Variants in FBXL2 observed in about 807,000 individuals in gnomAD.
FBXL2 encodes the protein F-box/LRR-repeat protein 2.
FBXL2 carries 38 observed loss-of-function variants against 69.2 expected under a neutral mutation model. The ratio of observed to expected loss-of-function variants is 0.55; its 90% CI spans 0.42 to 0.72. The LOEUF is 0.72. FBXL2 is among the 30% of genes least tolerant of loss of function. FBXL2 has a pLI of 0.00. For missense variants in FBXL2, 354 were observed against 520.3 expected, an observed-to-expected ratio of 0.68 and a Z score of 3.11; for synonymous variants, 192 against 201.3, an observed-to-expected ratio of 0.95 and a Z score of 0.39.
intron 2 of FBXL2, among the ~76,000 whole-genome samples, chr3:33,304,624 A>T (rs1263956037): frequency 6.6e-6 from 1 of 152,000 alleles, no homozygotes; most frequent in Non-Finnish European, 1.5e-5. Context: ...ATCCTCGTAG[A>T]TGTCTCCTGG....
chr3:33,416,203 G>A, the FBXL2 span: 1 of 152,200 alleles, frequency 6.6e-6, no homozygotes, highest in Non-Finnish European at 1.5e-5. Context: ...CATTAACCCT[G>A]CCCTGTAATG....
chr3:33,367,335 G>A (rs956582301), intron 5 of FBXL2, among the ~76,000 whole-genome samples: 13 of 152,114 alleles, frequency 8.5e-5, no homozygotes, highest in Non-Finnish European at 1.6e-4. Context: ...GCCTGCCTCG[G>A]CCTCCCAAAG....
At chr3:33,358,824 A>G (rs1219436445) in intron 2 of FBXL2, 143 bp from the exon 3 acceptor site, 1 of 491,914 alleles carries the variant, frequency 2.0e-6, no homozygotes. Flanking sequence ...ATGTAAAGTT[A>G]TAGTGCACTT....
chr3:33,313,997 C>A (rs776889892), intron 2 of FBXL2, among the ~76,000 whole-genome samples: 5 of 152,148 alleles, frequency 3.3e-5, no homozygotes, highest in Admixed American at 1.3e-4. Context: ...TTTCTTCTGG[C>A]ATAAAGCTTT....
chr3:33,311,663 C>T (rs985124086), intron 2 of FBXL2, among the ~76,000 whole-genome samples: 6 of 151,730 alleles, frequency 4.0e-5, no homozygotes, highest in South Asian at 4.2e-4. Flanking sequence ...TTGCTCTGTT[C>T]GCCCAGGCTG....
At chr3:33,302,372 A>G (rs1057090618) in intron 2 of FBXL2, among the ~76,000 whole-genome samples, 4 of 152,224 alleles carry the variant, frequency 2.6e-5, no homozygotes, top group African/African-American at 4.8e-5. Flanking sequence ...TGCATTATAA[A>G]AAAAGATAGT....
At chr3:33,383,084 C>T (rs1249999182) in intron 13 of FBXL2, 1 of 152,206 alleles carries the variant, frequency 6.6e-6, no homozygotes, top group Non-Finnish European at 1.5e-5. Flanking sequence ...ATCATATGCT[C>T]TCAAAGCACC....
intron 2 of FBXL2, among the ~76,000 whole-genome samples, chr3:33,319,747 A>T (rs1023377476): frequency 2.0e-5 from 3 of 152,208 alleles, no homozygotes; most frequent in Non-Finnish European, 4.4e-5. Context: ...TGAAATATCA[A>T]AGCATTTCTT....
At chr3:33,350,909 G>A (rs950268916) in intron 2 of FBXL2, among the ~76,000 whole-genome samples, 2 of 152,104 alleles carry the variant, frequency 1.3e-5, no homozygotes, top group South Asian at 2.1e-4. Flanking sequence ...TTTGTTTGCA[G>A]TTGACACAAT....
At chr3:33,395,767 A>G (rs1404281283) in intron 12 of FBXL2, among the ~76,000 whole-genome samples, 12 of 141,788 alleles carry the variant, frequency 8.5e-5, no homozygotes, top group East Asian at 2.5e-4. Flanking sequence ...AAAAAAAAAA[A>G]AAAAAAGAAA....
intron 2 of FBXL2, among the ~76,000 whole-genome samples, chr3:33,339,008 A>C (rs910461506): frequency 1.3e-5 from 2 of 152,228 alleles, no homozygotes; most frequent in African/African-American, 2.4e-5. Flanking sequence ...AATGGGAGAA[A>C]ATATTTGCAA....
chr3:33,405,709 T>C (rs1391900794), downstream of FBXL2, among the ~76,000 whole-genome samples: 2 of 152,078 alleles, frequency 1.3e-5, no homozygotes, highest in African/African-American at 4.8e-5. Context: ...GCAGTGAACT[T>C]TGATCACACT....
chr3:33,379,354 A>T (rs1192451723), intron 13 of FBXL2, among the ~76,000 whole-genome samples: 2 of 151,924 alleles, frequency 1.3e-5, no homozygotes, highest in African/African-American at 2.4e-5. Flanking sequence ...ACAGTAAAAC[A>T]TTTTACAACT....
At chr3:33,277,611 A>G (rs1441931544) in intron 1 of FBXL2, 96 bp downstream of exon 1, 3 of 1,197,710 alleles carry the variant, frequency 2.5e-6, no homozygotes, top group Non-Finnish European at 3.2e-6. Context: ...CAGGCGGCGC[A>G]GGGGTCGTGG....
intron 2 of FBXL2, among the ~76,000 whole-genome samples, chr3:33,342,729 T>TTTTTTTG: frequency 9.0e-6 from 1 of 110,612 alleles, no homozygotes; most frequent in Admixed American, 9.5e-5. Flanking sequence ...TTTTTTTTTT[T>TTTTTTTG]TTTTTTTTTT....
At chr3:33,373,818 G>A (rs1419730169) in intron 8 of FBXL2, 29 bp from the exon 9 acceptor site, 17 of 1,613,862 alleles carry the variant, frequency 1.1e-5, no homozygotes, top group Non-Finnish European at 1.2e-5. Flanking sequence ...CTGGATTCCA[G>A]CTGTCTTTTG....
chr3:33,282,853 G>C (rs996019029), intron 1 of FBXL2, among the ~76,000 whole-genome samples: 4 of 152,106 alleles, frequency 2.6e-5, no homozygotes, highest in Non-Finnish European at 5.9e-5. Context: ...CTGTTTGTCT[G>C]TTATTGGTAT....
intron 2 of FBXL2, among the ~76,000 whole-genome samples, chr3:33,312,548 G>C (rs1365697843): frequency 6.6e-6 from 1 of 152,148 alleles, no homozygotes; most frequent in Non-Finnish European, 1.5e-5. Flanking sequence ...TTAGCAGGGA[G>C]AGCTTATCAC....
chr3:33,319,658 T>C (rs903541282), intron 2 of FBXL2, among the ~76,000 whole-genome samples: 4 of 152,202 alleles, frequency 2.6e-5, no homozygotes, highest in African/African-American at 9.6e-5. Flanking sequence ...ATACAGTTGA[T>C]TATGTATTTT....
Sources: allele counts gnomAD v4.1 joint callset (sites outside exome capture counted in the v4.1 genomes callset), GRCh38; gene constraint gnomAD v4.1.1; transcripts MANE v1.5; gene names NCBI Gene and HGNC (gene_info 2026-07-23, HGNC 2026-07-21).